ZBTB7B: variants seen among roughly 807,000 people sequenced by gnomAD.
ZBTB7B encodes the protein zinc finger and BTB domain-containing protein 7B.
ZBTB7B carries 8 observed loss-of-function variants against 31.0 expected under a neutral mutation model. The ratio of observed to expected loss-of-function variants is 0.26; its 90% CI spans 0.15 to 0.47. The LOEUF (loss-of-function observed/expected upper bound fraction) is 0.47. Among genes scored for constraint, ZBTB7B ranks in the 20% least tolerant of loss-of-function variants. ZBTB7B has a pLI of 0.99. For synonymous variants in ZBTB7B, 261 were observed against 307.3 expected (o/e 0.85, Z 1.58); for missense variants, 494 against 742.4 (o/e 0.67, Z 3.89).
chr1:155,006,676 C>A (rs1279305318), intron 1 of ZBTB7B, among the ~76,000 whole-genome samples: 1 of 152,162 alleles, frequency 6.6e-6, no homozygotes, highest in East Asian at 1.9e-4. Flanking sequence ...GAGTGGGGCT[C>A]CCCCAGGCCC....
At chr1:155,010,572 C>T (rs148500443) in intron 1 of ZBTB7B, among the ~76,000 whole-genome samples, 8 of 152,228 alleles carry the variant, frequency 5.3e-5, no homozygotes, top group African/African-American at 1.7e-4. Context: ...TGAGAAGAGG[C>T]TCAGCCCCTT....
upstream of ZBTB7B, among the ~76,000 whole-genome samples, chr1:155,001,821 C>G (rs747994992): frequency 2.0e-5 from 3 of 151,708 alleles, no homozygotes; most frequent in Non-Finnish European, 4.4e-5. This position sits in a 1 kb window ranked among gnomAD's most constrained non-coding sequence, Gnocchi z 4.8. Context: ...GGACGCAGGG[C>G]GCCCGCAGGC....
Position 155,015,261 on chromosome 1 carries a change from A to C in ZBTB7B, c.601A>C (p.Ser201Arg). The change falls in exon 2 of 3, where the codon AGC (serine) becomes CGC (arginine). Residue 201 changes from serine (S) to arginine (R), a missense_variant. Transcript: ENST00000535420. Reference sequence around the variant, plus strand: ...GCCACCTCGGCCTGTTGCCCGCCGCAGCCGCAAGCCCCGGAAAGCTTTCCT... The same window carrying C: ...GCCACCTCGGCCTGTTGCCCGCCGCCGCCGCAAGCCCCGGAAAGCTTTCCT... ...PPPPRPVARR[S>R]RKPRKAFLQT... 1 of 1,613,628 alleles carries C rather than the reference A, an allele frequency of 6.2e-7. No homozygotes were observed. Among genetic ancestry groups the C allele is most frequent in the Non-Finnish European group, 8.5e-7 (1 of 1,179,924 alleles).
At chr1:155,009,335 T>A (rs1006739425) in intron 1 of ZBTB7B, among the ~76,000 whole-genome samples, 2 of 144,922 alleles carry the variant, frequency 1.4e-5, no homozygotes, top group African/African-American at 2.6e-5. Context: ...TTGGCGGGTG[T>A]GGGGTTACCA....
rs1659298778 is a variant in ZBTB7B, at chr1:155,015,433, C to T, written c.773C>T (p.Thr258Ile). The T allele has an allele frequency of 6.4e-7, 1 of 1,574,124 alleles. No individual in the cohort carries two copies. Among genetic ancestry groups the T allele is most frequent in the South Asian group, 1.2e-5 (1 of 85,340 alleles). ...CCGGGGGACAGCTACAGCCCTCCCA[C>T]AGGAACTGCCTCCCCTCCTGAGGGT... ...SGPGDSYSPP[T>I]GTASPPEGPQ... The change falls in exon 2 of 3, where the codon ACA becomes ATA. Residue 258 changes from threonine to isoleucine, a missense_variant. Around this residue, in one of 5 missense-constraint regions of ZBTB7B, gnomAD observed 216 missense variants for 229.3 expected, o/e 0.94. Coordinates refer to ENST00000535420, the MANE Select transcript of ZBTB7B (RefSeq NM_001256455.2).
In ZBTB7B at chr1:155,003,364, C is replaced by G. The variant is rs1331155428; in HGVS notation, c.-7+421C>G. Among the ~76,000 whole-genome samples, 2 of 151,922 alleles carry G rather than the reference C, an allele frequency of 1.3e-5. No individual in the cohort carries two copies. Among genetic ancestry groups the G allele is most frequent in the Admixed American group, 6.5e-5 (1 of 15,274 alleles). On this transcript the variant is annotated intron_variant, in intron 1 of 2. Coordinates refer to ENST00000535420, the MANE Select transcript of ZBTB7B (RefSeq NM_001256455.2). This position sits in a 1 kb window ranked among gnomAD's most constrained non-coding sequence, Gnocchi z 5.8. ...CTAACTAGGACAACGCGCACCCCCCCCCCACCCCGCGCCCCCTGGCGCGGT... is the reference window on the plus strand; with the variant it reads ...CTAACTAGGACAACGCGCACCCCCCGCCCACCCCGCGCCCCCTGGCGCGGT...
chr1:155,014,514 G>A, intron 1 of ZBTB7B, 141 bp from the exon 2 acceptor site: 1 of 719,200 alleles, frequency 1.4e-6, no homozygotes, highest in Non-Finnish European at 2.3e-6. Flanking sequence ...GAGGGTTCTG[G>A]AAGATGAAAT....
intron 1 of ZBTB7B, among the ~76,000 whole-genome samples, chr1:155,011,173 C>T (rs1246531804): frequency 6.6e-6 from 1 of 152,248 alleles, no homozygotes; most frequent in Non-Finnish European, 1.5e-5. Flanking sequence ...GTCAGCTTTA[C>T]TCAGCTGCCC....
rs1262433571 is a variant in ZBTB7B, at chr1:155,003,501, T to G, written c.-7+558T>G. 2.0e-5 allele frequency among the ~76,000 whole-genome samples: 3 copies of G among 152,044 alleles called. No individual in the cohort carries two copies. The highest frequency in any genetic ancestry group is 7.2e-5 in the African/African-American group (3 of 41,396). On this transcript the variant is annotated intron_variant, in intron 1 of 2. Transcript: ENST00000535420. The surrounding 1 kb of genome is among the most constrained non-coding windows in gnomAD (Gnocchi z 5.8). ...GTTTCTTGCGCTTCCAGAGCCGCGC[T>G]CTCTCCAGCGGTAGTGGGGCTCAGC...
At chr1:155,008,123 C>T (rs1658675672) in intron 1 of ZBTB7B, among the ~76,000 whole-genome samples, 1 of 152,154 alleles carries the variant, frequency 6.6e-6, no homozygotes, top group African/African-American at 2.4e-5. Flanking sequence ...CAGATGCCCC[C>T]TCCCAGCTCC....
At position 155,003,802 on chromosome 1, in the gene ZBTB7B, T is replaced by TG. The variant is rs1658392461; in HGVS notation, c.-7+865dup. Among the ~76,000 whole-genome samples, 1 of 151,282 alleles carries TG rather than the reference T, an allele frequency of 6.6e-6. No individual in the cohort carries two copies. Among genetic ancestry groups the TG allele is most frequent in the South Asian group, 2.1e-4 (1 of 4,754 alleles). ...GGCAGAAGGCTGCCATTCAAAGGGG[T>TG]GGGGGGCGCTGCTTTCAATTTCCAG... On this transcript the variant is annotated intron_variant, in intron 1 of 2. Transcript: ENST00000535420. The surrounding 1 kb of genome is among the most constrained non-coding windows in gnomAD (Gnocchi z 5.8).
chr1:155,015,805 G>A lies in ZBTB7B; in HGVS notation c.1145G>A (p.Arg382Gln), dbSNP rs1659355844. 1.2e-6 allele frequency: 2 copies of A among 1,609,310 alleles called. No homozygotes were observed. The highest frequency in any genetic ancestry group is 8.5e-7 in the Non-Finnish European group (1 of 1,177,732). Residue 382 changes from arginine to glutamine, a missense_variant, in exon 2 of 3, where the codon CGA becomes CAA. This residue lies in a region of ZBTB7B where 61 missense variants were observed against 170.0 expected (regional missense o/e 0.36). Transcript: ENST00000535420. Reference sequence around the variant, plus strand: ...TTTGCCTGCGAGGTCTGCGGTGTTCGATTCACCAGGTGAGCAGCAAGGGGG... The same window carrying A: ...TTTGCCTGCGAGGTCTGCGGTGTTCAATTCACCAGGTGAGCAGCAAGGGGG... ...KPFACEVCGV[R>Q]FTRNDKLKIH...
chr1:155,016,229 G>A lies in ZBTB7B; in HGVS notation c.1164G>A (p.Lys388=). The change falls in exon 3 of 3, where the codon AAG becomes AAA. Residue 388 remains lysine, a synonymous_variant. Coordinates refer to ENST00000535420, the MANE Select transcript of ZBTB7B (RefSeq NM_001256455.2). The surrounding 1 kb of genome is among the most constrained non-coding windows in gnomAD (Gnocchi z 4.3). The part of the protein sequence containing the change: ...VCGVRFTRND[K]LKIHMRKHTG... ...CCCCTGCCTGTGCCAGGAACGACAA[G>A]CTGAAGATCCACATGCGGAAGCACA... is the stretch of plus-strand genomic sequence containing the variant. 6.2e-7 allele frequency: 1 copy of A among 1,612,410 alleles called. No homozygotes were observed. The highest frequency in any genetic ancestry group is 8.5e-7 in the Non-Finnish European group (1 of 1,178,638).
chr1:155,007,940 C>T (rs1247907245), intron 1 of ZBTB7B, among the ~76,000 whole-genome samples: 1 of 152,094 alleles, frequency 6.6e-6, no homozygotes, highest in Non-Finnish European at 1.5e-5. Flanking sequence ...GTCACTAGGG[C>T]ACCCCTCATT....
intron 1 of ZBTB7B, among the ~76,000 whole-genome samples, chr1:155,009,513 G>A (rs1278618750): frequency 1.3e-5 from 2 of 152,136 alleles, no homozygotes; most frequent in African/African-American, 4.8e-5. Flanking sequence ...GTGGACAATT[G>A]CCTGGTCCAG....
intron 1 of ZBTB7B, chr1:155,014,038 A>G (rs993040563): frequency 1.7e-4 from 165 of 985,994 alleles, no homozygotes; most frequent in Non-Finnish European, 2.0e-4. Context: ...TTGGAGAGCG[A>G]TAACTTGAGT....
rs1659307617 is a variant in ZBTB7B at position 155,015,492 on chromosome 1, G to A, written c.832G>A (p.Glu278Lys). ...QSYEPYEGEE[E>K]EEELVYPPAY... ...CTACGAACCCTATGAGGGTGAGGAA[G>A]AAGAAGAGGAGCTGGTATATCCCCC... The change falls in exon 2 of 3, where the codon GAA becomes AAA. Residue 278 changes from glutamate (E) to lysine (K), a missense_variant. Glu to Lys is a moderately conservative substitution (Grantham distance 56, BLOSUM62 1). Transcript: ENST00000535420. 2 of 1,613,166 alleles carry A rather than the reference G, an allele frequency of 1.2e-6. No individual in the cohort carries two copies. Among genetic ancestry groups the A allele is most frequent in the African/African-American group, 1.3e-5 (1 of 74,920 alleles).
At position 155,014,164 on chromosome 1, in the gene ZBTB7B, C is replaced by T. The variant is rs566605626; in HGVS notation, c.-6-491C>T. On this transcript the variant is annotated intron_variant, in intron 1 of 2. Transcript: ENST00000535420. The stretch of plus-strand genomic sequence containing the variant: ...GTTCATTACAAAGACTGTTACCTCA[C>T]TTTTCAAATGACTGAGGCCAGCTGC... 624 of 883,342 alleles carry T rather than the reference C, an allele frequency of 7.1e-4. 3 individuals are homozygous for T. The African/African-American group carries it at 7.2e-3, about 10-fold the overall frequency. 54.7% of individuals were successfully genotyped at this position (883,342 alleles called of 1,614,324 possible). A position where few individuals can be genotyped will look rare whatever the true frequency, so the allele number is the denominator to read the frequency against.
Position 155,018,323 on chromosome 1 carries a change from GGGGGAGCCCAGGGCT to G in ZBTB7B, c.*1645_*1659del. 1 of 578,968 alleles carries G rather than the reference GGGGGAGCCCAGGGCT, an allele frequency of 1.7e-6. No individual in the cohort carries two copies. The highest frequency in any genetic ancestry group is 3.1e-6 in the Non-Finnish European group (1 of 325,804). The allele number at this position is 578,968 out of a possible 1,614,324, so 35.9% of individuals were successfully genotyped here. A position where few individuals can be genotyped will look rare whatever the true frequency, so the allele number is the denominator to read the frequency against. On this transcript the variant is annotated 3_prime_UTR_variant, in exon 3 of 3. Coordinates refer to ENST00000535420, the MANE Select transcript of ZBTB7B (RefSeq NM_001256455.2). The stretch of plus-strand genomic sequence containing the variant: ...CCTCATCTTAGCATTTCAGGTGATG[GGGGGAGCCCAGGGCT>G]GGGGAGACCTGGGGCCCAGCCCCAG...
Sources: gnomAD v4.1 joint callset for allele counts (sites outside exome capture counted in the v4.1 genomes callset) on GRCh38, gnomAD v4.1.1 for gene constraint, gnomAD v4.1.1 regional missense constraint, Gnocchi (gnomAD v3.1) non-coding constraint, MANE v1.5 for transcripts, NCBI Gene and HGNC (gene_info 2026-07-23, HGNC 2026-07-21) for gene names.